MYO5B: variants seen among roughly 807,000 people sequenced by gnomAD.
The protein encoded by MYO5B is myosin VB.
A neutral mutation model predicts 229.3 loss-of-function variants in MYO5B; 143 were observed. The observed-to-expected ratio is 0.62, with a 90% CI of 0.54 to 0.72. MYO5B has a LOEUF of 0.72. MYO5B is among the 30% of genes least tolerant of loss of function. The probability of loss-of-function intolerance (pLI) is 0.00; values close to 1 mark genes in which losing one functional copy is unlikely to be tolerated. For missense variants in MYO5B, 2,321 were observed against 2,331.0 expected (o/e 1.00, Z 0.09); for synonymous variants, 918 against 885.2 (o/e 1.04, Z -0.66).
chr18:49,911,586 T>A (rs1054466739), intron 18 of MYO5B, among the ~76,000 whole-genome samples: 1 of 152,206 alleles, frequency 6.6e-6, no homozygotes, highest in African/African-American at 2.4e-5. Context: ...TCAATTATCC[T>A]CTAGTGGTGT....
chr18:50,137,809 T>G lies in MYO5B; in HGVS notation c.27+56958A>C, dbSNP rs147235387. The stretch of plus-strand genomic sequence containing the variant: ...TGGAATACTATGCAGCTATGAAAAT[T>G]GAGATCACGTCTTTTGCAGGAACAT... On this transcript the variant is annotated intron_variant, in intron 1 of 39. Coordinates refer to ENST00000285039, the MANE Select transcript of MYO5B (RefSeq NM_001080467.3). Among the ~76,000 whole-genome samples the G allele has an allele frequency of 2.8e-3, 419 of 152,254 alleles. 2 individuals are homozygous for G. Among genetic ancestry groups the G allele is most frequent in the African/African-American group, 9.7e-3 (405 of 41,542 alleles).
At chr18:50,024,018 C>G (rs1421373677) in intron 4 of MYO5B, among the ~76,000 whole-genome samples, 1 of 152,120 alleles carries the variant, frequency 6.6e-6, no homozygotes, top group East Asian at 1.9e-4. Flanking sequence ...GTAAAATGGA[C>G]AAAATTGTAG....
intron 1 of MYO5B, among the ~76,000 whole-genome samples, chr18:50,093,324 C>T (rs67371714): frequency 4.6e-5 from 7 of 151,900 alleles, no homozygotes; most frequent in African/African-American, 1.7e-4. Context: ...GATGAACCCT[C>T]GAGAGCAACT....
chr18:49,990,776 T>C (rs1227309218), intron 6 of MYO5B, among the ~76,000 whole-genome samples: 2 of 152,240 alleles, frequency 1.3e-5, no homozygotes, highest in Admixed American at 6.5e-5. Context: ...TTTCCTTCTA[T>C]ATAGGACATC....
intron 1 of MYO5B, among the ~76,000 whole-genome samples, chr18:50,191,644 A>T (rs1168793999): frequency 6.6e-6 from 1 of 151,692 alleles, no homozygotes; most frequent in Non-Finnish European, 1.5e-5. Context: ...TAGGGCTCCG[A>T]AGATTAAGGG....
intron 1 of MYO5B, among the ~76,000 whole-genome samples, chr18:50,060,554 C>T (rs963920117): frequency 6.6e-6 from 1 of 152,210 alleles, no homozygotes; most frequent in Non-Finnish European, 1.5e-5. Flanking sequence ...GCAAGTCTGA[C>T]CCAATTATCA....
At chr18:49,961,711 G>T (rs1391819896) in intron 12 of MYO5B, among the ~76,000 whole-genome samples, 1 of 152,190 alleles carries the variant, frequency 6.6e-6, no homozygotes, top group Non-Finnish European at 1.5e-5. Context: ...AAGAAGTTAG[G>T]TAATTGATAA....
At chr18:50,127,409 G>T (rs1205622901) in intron 1 of MYO5B, among the ~76,000 whole-genome samples, 1 of 152,128 alleles carries the variant, frequency 6.6e-6, no homozygotes, top group Non-Finnish European at 1.5e-5. Context: ...AGCTTTTACT[G>T]AGCACCTACA....
intron 17 of MYO5B, among the ~76,000 whole-genome samples, chr18:49,919,823 C>T (rs979976760): frequency 3.3e-5 from 5 of 152,106 alleles, no homozygotes; most frequent in Admixed American, 6.6e-5. Flanking sequence ...CCAAGGTATA[C>T]CCTCAAGAGA....
At chr18:50,147,710 G>A (rs1365120401) in intron 1 of MYO5B, among the ~76,000 whole-genome samples, 1 of 152,078 alleles carries the variant, frequency 6.6e-6, no homozygotes, top group Admixed American at 6.6e-5. Flanking sequence ...TGACCTCACT[G>A]ACCTCACCGA....
chr18:50,130,591 G>T (rs2032240378), intron 1 of MYO5B, among the ~76,000 whole-genome samples: 1 of 152,164 alleles, frequency 6.6e-6, no homozygotes, highest in African/African-American at 2.4e-5. Context: ...GAACTGGTGG[G>T]TACTGATGCA....
chr18:50,123,582 TAAA>T (rs1022112059), intron 1 of MYO5B, among the ~76,000 whole-genome samples: 2 of 151,390 alleles, frequency 1.3e-5, no homozygotes, highest in Non-Finnish European at 2.9e-5. Flanking sequence ...TAAATAAAAA[TAAA>T]AAAAACTAGC....
At chr18:50,104,925 G>A (rs1357628395) in intron 1 of MYO5B, among the ~76,000 whole-genome samples, 3 of 152,060 alleles carry the variant, frequency 2.0e-5, no homozygotes, top group Non-Finnish European at 4.4e-5. Flanking sequence ...CAACACTTGT[G>A]GGCTGGCTGG....
intron 2 of MYO5B, among the ~76,000 whole-genome samples, chr18:50,043,016 T>C (rs867969015): frequency 6.6e-6 from 1 of 151,808 alleles, no homozygotes; most frequent in Non-Finnish European, 1.5e-5. Context: ...CTATGGAAAA[T>C]AGTGTGTAGA....
intron 39 of MYO5B, 39 bp from the exon 40 acceptor site, chr18:49,826,662 CCTAAAA>C (rs745741800): frequency 5.6e-6 from 9 of 1,610,382 alleles, no homozygotes; most frequent in Non-Finnish European, 7.6e-6. Context: ...TTTGAGTACC[CCTAAAA>C]ATAGCCAGTT....
At chr18:50,053,059 C>T (rs1480833830) in intron 2 of MYO5B, among the ~76,000 whole-genome samples, 1 of 152,172 alleles carries the variant, frequency 6.6e-6, no homozygotes, top group East Asian at 1.9e-4. Flanking sequence ...ATAATTTCAG[C>T]TTCAGAGGAG....
At chr18:49,908,230 C>T (rs1036249054) in intron 18 of MYO5B, among the ~76,000 whole-genome samples, 3 of 152,226 alleles carry the variant, frequency 2.0e-5, no homozygotes, top group African/African-American at 7.2e-5. Context: ...CTCACCTGCT[C>T]CACTGAGACA....
At chr18:49,953,225 T>A (rs1297845684) in intron 14 of MYO5B, 35 bp downstream of exon 14, 1 of 1,587,358 alleles carries the variant, frequency 6.3e-7, no homozygotes, top group Admixed American at 1.7e-5. Context: ...GCCGTGGGCA[T>A]TCCTGCTCCA....
At chr18:49,860,949 T>C (rs929404234) in intron 29 of MYO5B, among the ~76,000 whole-genome samples, 8 of 152,360 alleles carry the variant, frequency 5.3e-5, no homozygotes, top group African/African-American at 1.9e-4. Context: ...AGAATCCCAG[T>C]TGGGTCCCTG....
Sources: allele counts gnomAD v4.1 joint callset (sites outside exome capture counted in the v4.1 genomes callset), GRCh38; gene constraint gnomAD v4.1.1; transcripts MANE v1.5; gene names NCBI Gene and HGNC (gene_info 2026-07-23, HGNC 2026-07-21).